The following QTMAN variants were observed in gnomAD, a reference collection of about 807,000 sequenced individuals.
The protein encoded by QTMAN is tRNA-queuosine alpha-mannosyltransferase.
the QTMAN span, among the ~76,000 whole-genome samples, chr2:144,330,365 G>C: frequency 6.6e-6 from 1 of 152,134 alleles, no homozygotes; most frequent in Non-Finnish European, 1.5e-5. Flanking sequence ...AGGTTTGTGT[G>C]AGTACATTCT....
At chr2:144,217,622 G>T in the QTMAN span, among the ~76,000 whole-genome samples, 1,650 of 151,934 alleles carry the variant, frequency 0.011, 21 homozygotes, top group African/African-American at 0.037. Flanking sequence ...GAATCTCTTG[G>T]GATTCCTCCC....
the QTMAN span, among the ~76,000 whole-genome samples, chr2:144,012,991 G>C: frequency 6.6e-6 from 1 of 152,162 alleles, no homozygotes; most frequent in African/African-American, 2.4e-5. Context: ...AGGAGTAGTA[G>C]AGCCACAGCG....
the QTMAN span, among the ~76,000 whole-genome samples, chr2:143,973,058 G>A: frequency 6.6e-6 from 1 of 152,158 alleles, no homozygotes; most frequent in Non-Finnish European, 1.5e-5. Flanking sequence ...CTGAAAACAA[G>A]TATTTTAAAG....
the QTMAN span, among the ~76,000 whole-genome samples, chr2:144,207,768 G>C: frequency 6.6e-6 from 1 of 152,198 alleles, no homozygotes. Flanking sequence ...CATCCTACCT[G>C]TTCCCTCAGT....
the QTMAN span, among the ~76,000 whole-genome samples, chr2:144,061,069 A>G: frequency 6.6e-6 from 1 of 152,100 alleles, no homozygotes; most frequent in Non-Finnish European, 1.5e-5. Flanking sequence ...TTAAGTATGA[A>G]TATTTTGAAT....
the QTMAN span, among the ~76,000 whole-genome samples, chr2:143,976,236 A>G: frequency 6.6e-6 from 1 of 152,166 alleles, no homozygotes; most frequent in African/African-American, 2.4e-5. Context: ...TGGTGCCTTC[A>G]GCCCATAGTA....
At chr2:144,168,961 A>T in the QTMAN span, among the ~76,000 whole-genome samples, 2 of 152,102 alleles carry the variant, frequency 1.3e-5, no homozygotes, top group South Asian at 2.1e-4. Context: ...TATTTTTATT[A>T]AAAAAATAGG....
chr2:144,080,459 A>C, the QTMAN span, among the ~76,000 whole-genome samples: 1 of 152,138 alleles, frequency 6.6e-6, no homozygotes, highest in East Asian at 1.9e-4. Flanking sequence ...TATTACCTGG[A>C]GCTTCAGCAA....
chr2:143,969,609 G>C, the QTMAN span, among the ~76,000 whole-genome samples: 2 of 152,194 alleles, frequency 1.3e-5, no homozygotes, highest in South Asian at 2.1e-4. Context: ...ACTGAGGTAA[G>C]TACCATGAAG....
the QTMAN span, among the ~76,000 whole-genome samples, chr2:144,117,739 A>G: frequency 6.9e-4 from 105 of 152,040 alleles, no homozygotes; most frequent in Non-Finnish European, 1.2e-3. Flanking sequence ...TCAAATGTCA[A>G]TTTTCCATGC....
the QTMAN span, among the ~76,000 whole-genome samples, chr2:143,998,160 T>C: frequency 6.6e-6 from 1 of 152,168 alleles, no homozygotes; most frequent in East Asian, 1.9e-4. Context: ...CATGTAACCA[T>C]AATTAGAAGT....
At chr2:144,241,246 T>C in the QTMAN span, among the ~76,000 whole-genome samples, 1 of 152,206 alleles carries the variant, frequency 6.6e-6, no homozygotes, top group Admixed American at 6.5e-5. Flanking sequence ...TTAACAAGTC[T>C]TTCAGATAAT....
At chr2:144,038,654 TAGC>T in the QTMAN span, among the ~76,000 whole-genome samples, 1 of 152,180 alleles carries the variant, frequency 6.6e-6, no homozygotes, top group Non-Finnish European at 1.5e-5. Context: ...ATAACAACAA[TAGC>T]AGCAATCATG....
the QTMAN span, among the ~76,000 whole-genome samples, chr2:144,303,094 C>T: frequency 1.8e-4 from 28 of 151,646 alleles, 1 homozygote; most frequent in Middle Eastern, 3.4e-3. Context: ...AGAGACAGAG[C>T]GAAACTCATC....
At chr2:144,056,610 A>C in the QTMAN span, among the ~76,000 whole-genome samples, 1 of 152,240 alleles carries the variant, frequency 6.6e-6, no homozygotes, top group African/African-American at 2.4e-5. Context: ...CATGGGATAC[A>C]GTAAACACTC....
the QTMAN span, among the ~76,000 whole-genome samples, chr2:144,119,725 C>T: frequency 6.6e-6 from 1 of 152,130 alleles, no homozygotes; most frequent in Non-Finnish European, 1.5e-5. Context: ...TCTCAAGAAA[C>T]AAAGAAAATC....
the QTMAN span, among the ~76,000 whole-genome samples, chr2:144,056,084 C>T: frequency 3.9e-5 from 6 of 152,292 alleles, no homozygotes; most frequent in African/African-American, 1.4e-4. Flanking sequence ...TTCTGATACA[C>T]AGTGAGCTAT....
At chr2:144,178,298 T>A in the QTMAN span, 1 of 152,132 alleles carries the variant, frequency 6.6e-6, no homozygotes, top group Non-Finnish European at 1.5e-5. Flanking sequence ...TGGGTTGCTA[T>A]CAGGATCAAA....
chr2:144,227,591 G>A, the QTMAN span, among the ~76,000 whole-genome samples: 3 of 152,050 alleles, frequency 2.0e-5, no homozygotes, highest in African/African-American at 4.8e-5. Flanking sequence ...TGTGCTAAGC[G>A]TAAAGACACC....
Sources: gnomAD v4.1 joint callset for allele counts (sites outside exome capture counted in the v4.1 genomes callset) on GRCh38, gnomAD v4.1.1 for gene constraint, MANE v1.5 for transcripts, NCBI Gene and HGNC (gene_info 2026-07-23, HGNC 2026-07-21) for gene names.